FOXK2: variants seen among roughly 807,000 people sequenced by gnomAD.
FOXK2 encodes the protein forkhead box K2.
FOXK2 carries 24 observed loss-of-function variants against 53.3 expected under a neutral mutation model. The observed-to-expected ratio is 0.45, with a 90% CI of 0.33 to 0.63. The LOEUF (loss-of-function observed/expected upper bound fraction) is 0.63. Ranked by LOEUF, FOXK2 falls within the 30% of genes least tolerant of loss-of-function variation. The probability of loss-of-function intolerance (pLI) is 0.03; values close to 1 mark genes in which losing one functional copy is unlikely to be tolerated. For synonymous variants in FOXK2, 505 were observed against 407.1 expected (o/e 1.24, Z -2.89); for missense variants, 952 against 910.5 (o/e 1.05, Z -0.59).
intron 4 of FOXK2, among the ~76,000 whole-genome samples, chr17:82,576,272 C>T (rs1016906106): frequency 2.7e-5 from 4 of 148,868 alleles, no homozygotes; most frequent in South Asian, 4.4e-4. Flanking sequence ...GTGGCGGCGG[C>T]GGGTTCGTCC....
intron 1 of FOXK2, among the ~76,000 whole-genome samples, chr17:82,556,981 G>A (rs2044731936): frequency 1.3e-5 from 2 of 151,618 alleles, no homozygotes; most frequent in African/African-American, 4.8e-5. Context: ...GGGATGACAG[G>A]CGTGAGCCAC....
intron 8 of FOXK2, among the ~76,000 whole-genome samples, chr17:82,592,922 T>C (rs1197786490): frequency 2.7e-3 from 219 of 82,546 alleles, no homozygotes; most frequent in Middle Eastern, 0.02. Context: ...ATTCTGAAAG[T>C]AGACCCTGTG....
intron 1 of FOXK2, among the ~76,000 whole-genome samples, chr17:82,522,640 C>T (rs9898189): frequency 6.6e-6 from 1 of 151,408 alleles, no homozygotes; most frequent in Non-Finnish European, 1.5e-5. Flanking sequence ...CAAAGTGCTG[C>T]GATTACAGGC....
chr17:82,594,652 G>A (rs1190976660), intron 8 of FOXK2, among the ~76,000 whole-genome samples: 1 of 152,252 alleles, frequency 6.6e-6, no homozygotes, highest in African/African-American at 2.4e-5. Flanking sequence ...GACCCTCAGG[G>A]TGGGGAACGT....
At chr17:82,582,562 T>C (rs562896317) in intron 4 of FOXK2, among the ~76,000 whole-genome samples, 179 bp from the exon 5 acceptor site, 5 of 152,280 alleles carry the variant, frequency 3.3e-5, no homozygotes, top group African/African-American at 1.2e-4. Flanking sequence ...GGGCCTTCCT[T>C]AAATCTTGTT....
rs114990916 is a variant in FOXK2, at chr17:82,534,260, A to G, written c.419+13953A>G. ...AACCTCGACTCGAAAAAAAAAGAAA[A>G]GATGGCTGATATGTAGAGGGGTAAC... On this transcript the variant is annotated intron_variant, in intron 1 of 8. Transcript: ENST00000335255. Among the ~76,000 whole-genome samples the G allele has an allele frequency of 1.4e-3, 218 of 152,232 alleles. 1 individual carries two copies. Among genetic ancestry groups the G allele is most frequent in the African/African-American group, 5.1e-3 (212 of 41,546 alleles).
intron 1 of FOXK2, among the ~76,000 whole-genome samples, chr17:82,554,685 C>G (rs894273902): frequency 6.6e-6 from 1 of 151,978 alleles, no homozygotes; most frequent in African/African-American, 2.4e-5. Flanking sequence ...GGCTTGTAAA[C>G]AGATTCCTAG....
At chr17:82,529,388 A>ATT (rs767198244) in intron 1 of FOXK2, among the ~76,000 whole-genome samples, 10 of 122,054 alleles carry the variant, frequency 8.2e-5, no homozygotes, top group Non-Finnish European at 8.6e-5. Context: ...ACGCCGGCTA[A>ATT]TTTTTTTTTT....
intron 8 of FOXK2, among the ~76,000 whole-genome samples, chr17:82,598,004 A>C (rs1347661757): frequency 6.6e-6 from 1 of 152,190 alleles, no homozygotes; most frequent in African/African-American, 2.4e-5. Flanking sequence ...TTGACACAGA[A>C]TAATTGTGCA....
chr17:82,584,815 G>C (rs1195409492), intron 6 of FOXK2, among the ~76,000 whole-genome samples: 3 of 152,178 alleles, frequency 2.0e-5, no homozygotes, highest in African/African-American at 4.8e-5. Context: ...GCCTCCCAAA[G>C]TGCTGGGCGT....
Position 82,563,564 on chromosome 17 carries a change from T to A in FOXK2, c.614+16T>A, listed in dbSNP as rs1402774794. The A allele has an allele frequency of 1.7e-5, 28 of 1,607,298 alleles. No individual in the cohort carries two copies. Among genetic ancestry groups the A allele is most frequent in the Non-Finnish European group, 1.7e-5 (20 of 1,176,732 alleles). On this transcript the variant is annotated intron_variant, in intron 2 of 8. Coordinates refer to ENST00000335255, the MANE Select transcript of FOXK2 (RefSeq NM_004514.4). Reference sequence around the variant, plus strand: ...GAACCATCAGGTGCGGCCATGGGGATGGGGGACTGGAGCATCCTTAGTCCC... The same window carrying A: ...GAACCATCAGGTGCGGCCATGGGGAAGGGGGACTGGAGCATCCTTAGTCCC...
At chr17:82,601,219 G>C (rs1262763014) in intron 8 of FOXK2, 84 bp from the exon 9 acceptor site, 1 of 1,420,644 alleles carries the variant, frequency 7.0e-7, no homozygotes, top group African/African-American at 1.4e-5. Flanking sequence ...TCTGACTCGC[G>C]AGGGTTCACG....
At chr17:82,561,734 G>C (rs913679764) in intron 1 of FOXK2, among the ~76,000 whole-genome samples, 8 of 152,226 alleles carry the variant, frequency 5.3e-5, no homozygotes, top group Non-Finnish European at 1.0e-4. Context: ...GTTGGGAAGT[G>C]TCTTCTTGGA....
At chr17:82,554,993 C>T (rs1392651310) in intron 1 of FOXK2, among the ~76,000 whole-genome samples, 2 of 152,174 alleles carry the variant, frequency 1.3e-5, no homozygotes, top group Non-Finnish European at 2.9e-5. Flanking sequence ...AGGTGATCTG[C>T]CCGCCTCGGC....
Position 82,585,997 on chromosome 17 carries a change from T to A in FOXK2, c.1373T>A (p.Val458Glu). 6.2e-7 allele frequency: 1 copy of A among 1,612,798 alleles called. No individual in the cohort carries two copies. The highest frequency in any genetic ancestry group is 1.6e-4 in the Middle Eastern group (1 of 6,062). The change falls in exon 7 of 9, where the codon GTG (valine) becomes GAG (glutamate). Residue 458 changes from valine (V) to glutamate (E), a missense_variant. Physicochemically the swap from Val to Glu is moderately radical, Grantham distance 121. This residue lies in a region of FOXK2 where 551 missense variants were observed against 385.1 expected (regional missense o/e 1.43). Coordinates refer to ENST00000335255, the MANE Select transcript of FOXK2 (RefSeq NM_004514.4). Reference protein sequence around the residue: ...KPVTYTVATPVTTSTSQPPVV... With the variant: ...KPVTYTVATPETTSTSQPPVV... ...GTCACCTACACTGTGGCCACCCCAG[T>A]GACCACCTCGACCTCCCAGCCACCC...
intron 2 of FOXK2, among the ~76,000 whole-genome samples, chr17:82,565,981 T>C (rs1348738393): frequency 1.3e-5 from 2 of 151,920 alleles, no homozygotes; most frequent in African/African-American, 4.8e-5. Flanking sequence ...GACGTTATGC[T>C]CAGTGAAATA....
Position 82,601,613 on chromosome 17 carries a change from A to C in FOXK2, c.*114A>C. The stretch of plus-strand genomic sequence containing the variant: ...CTGTGGTTGGACTTCACCTCTCAGC[A>C]CTGAAAACCCAAAACCCAGCTGGCC... On this transcript the variant is annotated 3_prime_UTR_variant, in exon 9 of 9. Coordinates refer to ENST00000335255, the MANE Select transcript of FOXK2 (RefSeq NM_004514.4). The C allele has an allele frequency of 2.7e-6, 3 of 1,103,682 alleles. No individual in the cohort carries two copies. The highest frequency in any genetic ancestry group is 3.8e-6 in the Non-Finnish European group (3 of 795,354). 68.4% of individuals were successfully genotyped at this position (1,103,682 alleles called of 1,614,324 possible). A position where few individuals can be genotyped will look rare whatever the true frequency, so the allele number is the denominator to read the frequency against.
At chr17:82,534,663 A>G (rs1442105830) in intron 1 of FOXK2, among the ~76,000 whole-genome samples, 1 of 152,052 alleles carries the variant, frequency 6.6e-6, no homozygotes, top group Non-Finnish European at 1.5e-5. Flanking sequence ...CTCACCACAC[A>G]CTTCAGCCCA....
chr17:82,584,404 A>G (rs1009556461), intron 6 of FOXK2, among the ~76,000 whole-genome samples: 7 of 152,044 alleles, frequency 4.6e-5, no homozygotes, highest in African/African-American at 1.7e-4. Context: ...TAGATGCCTG[A>G]AATAACTTAG....
Sources: gnomAD v4.1 joint callset for allele counts (sites outside exome capture counted in the v4.1 genomes callset) on GRCh38, gnomAD v4.1.1 for gene constraint, gnomAD v4.1.1 regional missense constraint, MANE v1.5 for transcripts, NCBI Gene and HGNC (gene_info 2026-07-23, HGNC 2026-07-21) for gene names.